The following ETV1 variants were observed in gnomAD, a reference collection of about 807,000 sequenced individuals.
The protein encoded by ETV1 is ETS translocation variant 1.
ETV1 carries 27 observed loss-of-function variants against 62.3 expected under a neutral mutation model. The observed-to-expected ratio is 0.43, with a 90% CI of 0.32 to 0.60. The LOEUF (loss-of-function observed/expected upper bound fraction) is 0.60. ETV1 is among the 20% of genes least tolerant of loss of function. The pLI is 0.06. For missense variants in ETV1, 605 were observed against 605.8 expected (o/e 1.00, Z 0.01); for synonymous variants, 222 against 199.6 (o/e 1.11, Z -0.94).
chr7:13,959,987 T>G (rs1275159684), intron 6 of ETV1, among the ~76,000 whole-genome samples: 1 of 151,790 alleles, frequency 6.6e-6, no homozygotes, highest in Non-Finnish European at 1.5e-5. Context: ...GTTAAATACT[T>G]GGAGTACTGT....
intron 6 of ETV1, among the ~76,000 whole-genome samples, chr7:13,947,102 TAGG>T (rs1335641492): frequency 6.6e-6 from 1 of 152,206 alleles, no homozygotes; most frequent in Admixed American, 6.5e-5. Flanking sequence ...GATTTGCTCA[TAGG>T]AGAATAACTT....
intron 6 of ETV1, among the ~76,000 whole-genome samples, chr7:13,964,911 T>G (rs1379986813): frequency 6.6e-6 from 1 of 152,178 alleles, no homozygotes; most frequent in African/African-American, 2.4e-5. Flanking sequence ...GTTTTTCATC[T>G]TTAAATTAAA....
At chr7:13,920,129 C>G (rs78332013) in intron 9 of ETV1, among the ~76,000 whole-genome samples, 7,752 of 152,182 alleles carry the variant, frequency 0.051, 246 homozygotes, top group East Asian at 0.13. Flanking sequence ...GTACAACTCA[C>G]AAGCAGATTA....
At chr7:13,976,046 T>C (rs1307339281) in intron 6 of ETV1, among the ~76,000 whole-genome samples, 1 of 152,210 alleles carries the variant, frequency 6.6e-6, no homozygotes, top group Non-Finnish European at 1.5e-5. Flanking sequence ...CCATCATCCT[T>C]CTGGGAGTGT....
chr7:13,905,782 A>ATACT (rs1554291186), intron 12 of ETV1, among the ~76,000 whole-genome samples: 37 of 152,192 alleles, frequency 2.4e-4, no homozygotes, highest in Admixed American at 7.9e-4. Context: ...CTTCATCCCA[A>ATACT]CCTTCCAATG....
At chr7:13,897,242 T>C (rs1273320931) in intron 13 of ETV1, among the ~76,000 whole-genome samples, 2 of 152,158 alleles carry the variant, frequency 1.3e-5, no homozygotes, top group African/African-American at 4.8e-5. Flanking sequence ...TTTAGAAAGC[T>C]GAAGGTGACA....
intron 6 of ETV1, among the ~76,000 whole-genome samples, chr7:13,971,214 G>A (rs959485216): frequency 2.0e-5 from 3 of 152,104 alleles, no homozygotes; most frequent in South Asian, 4.1e-4. Context: ...TAGGTGATCC[G>A]CCTGCCTCGG....
At chr7:13,962,199 ACAC>A (rs1485574365) in intron 6 of ETV1, among the ~76,000 whole-genome samples, 1 of 149,940 alleles carries the variant, frequency 6.7e-6, no homozygotes, top group Non-Finnish European at 1.5e-5. Flanking sequence ...ACACACACAC[ACAC>A]GTGTGTGTGT....
At chr7:13,979,303 T>C (rs1307611139) in intron 5 of ETV1, among the ~76,000 whole-genome samples, 3 of 152,026 alleles carry the variant, frequency 2.0e-5, no homozygotes, top group Non-Finnish European at 2.9e-5. Flanking sequence ...CACCAACCCT[T>C]GTCTTTCAAG....
chr7:13,895,810 G>C lies in ETV1; in HGVS notation c.*56C>G, dbSNP rs1248140071. ...TAAAACAAAGATTCAGCAATTCTCT[G>C]TATCTTGCAGAAAAAAGGAAAAGCG... On this transcript the variant is annotated 3_prime_UTR_variant, in exon 14 of 14. Transcript: ENST00000430479. The C allele has an allele frequency of 8.9e-7, 1 of 1,123,386 alleles. No individual in the cohort carries two copies. The highest frequency in any genetic ancestry group is 2.5e-5 in the East Asian group (1 of 40,448). The allele number at this position is 1,123,386 out of a possible 1,614,324, so 69.6% of individuals were successfully genotyped here.
intron 5 of ETV1, among the ~76,000 whole-genome samples, chr7:13,983,700 C>T (rs1291793919): frequency 7.6e-6 from 1 of 131,596 alleles, no homozygotes; most frequent in Non-Finnish European, 1.6e-5. Context: ...TTGTTTTAAA[C>T]TGTGTTTAGA....
At chr7:13,932,856 AT>A (rs1450558724) in intron 8 of ETV1, among the ~76,000 whole-genome samples, 1 of 152,228 alleles carries the variant, frequency 6.6e-6, no homozygotes, top group Non-Finnish European at 1.5e-5. Context: ...GTAATGTTAA[AT>A]AAAAATAAGG....
intron 6 of ETV1, among the ~76,000 whole-genome samples, chr7:13,944,943 A>G (rs1332457758): frequency 6.6e-6 from 1 of 152,160 alleles, no homozygotes. Flanking sequence ...CTACCAGCCA[A>G]GGAATGCCAG....
Position 13,891,643 on chromosome 7 carries a change from G to A in ETV1, c.*4223C>T, listed in dbSNP as rs1280601031. 8.6e-6 allele frequency: 2 copies of A among 231,774 alleles called. No homozygotes were observed. The highest frequency in any genetic ancestry group is 1.7e-5 in the Non-Finnish European group (2 of 117,314). The allele number at this position is 231,774 out of a possible 1,614,324, so 14.4% of individuals were successfully genotyped here. On this transcript the variant is annotated 3_prime_UTR_variant, in exon 14 of 14. Transcript: ENST00000430479. ...AAGAAGTCCTAAAAGTACTAGTTGAGCTCTGAATAAACTGGGTGAAATTTT... is the reference window on the plus strand; with the variant it reads ...AAGAAGTCCTAAAAGTACTAGTTGAACTCTGAATAAACTGGGTGAAATTTT...
At chr7:13,964,938 A>C (rs1790608211) in intron 6 of ETV1, among the ~76,000 whole-genome samples, 1 of 152,064 alleles carries the variant, frequency 6.6e-6, no homozygotes, top group African/African-American at 2.4e-5. Flanking sequence ...GATATCATTA[A>C]TCTTTATCGT....
At chr7:13,930,827 G>A (rs1008978874) in intron 9 of ETV1, among the ~76,000 whole-genome samples, 4 of 151,446 alleles carry the variant, frequency 2.6e-5, no homozygotes, top group African/African-American at 9.7e-5. Context: ...TTGAGACGGA[G>A]TCTCTCTCTG....
At chr7:13,962,994 T>C (rs537832969) in intron 6 of ETV1, among the ~76,000 whole-genome samples, 2 of 152,144 alleles carry the variant, frequency 1.3e-5, no homozygotes, top group African/African-American at 2.4e-5. Flanking sequence ...TTTACTGGAA[T>C]GCATACAAGG....
chr7:13,925,836 A>G (rs943078695), intron 9 of ETV1, among the ~76,000 whole-genome samples: 22 of 151,804 alleles, frequency 1.4e-4, no homozygotes, highest in African/African-American at 3.1e-4. Flanking sequence ...GATTACAGGC[A>G]TGAGCCACCG....
At chr7:13,970,201 C>A (rs1241378912) in intron 6 of ETV1, among the ~76,000 whole-genome samples, 1 of 151,206 alleles carries the variant, frequency 6.6e-6, no homozygotes, top group Non-Finnish European at 1.5e-5. Flanking sequence ...GCGGAGCTTG[C>A]AGTGAGCTGA....
Sources: gnomAD v4.1 joint callset for allele counts (sites outside exome capture counted in the v4.1 genomes callset) on GRCh38, gnomAD v4.1.1 for gene constraint, MANE v1.5 for transcripts, NCBI Gene and HGNC (gene_info 2026-07-23, HGNC 2026-07-21) for gene names.